The following SPTLC1 variants were observed in gnomAD, a reference collection of about 807,000 sequenced individuals.
SPTLC1 encodes serine palmitoyltransferase long chain base subunit 1, also known as serine palmitoyltransferase 1.
A neutral mutation model predicts 68.9 loss-of-function variants in SPTLC1; 55 were observed. The ratio of observed to expected loss-of-function variants is 0.80; its 90% CI spans 0.64 to 1.00. The LOEUF (loss-of-function observed/expected upper bound fraction) is 1.00. SPTLC1 is among the 50% of genes least tolerant of loss of function. The pLI, the probability that SPTLC1 is intolerant of heterozygous loss-of-function variation, is 0.00. For synonymous variants in SPTLC1, 197 were observed against 201.6 expected, an observed-to-expected ratio of 0.98 and a Z score of 0.19; for missense variants, 449 against 573.1, an observed-to-expected ratio of 0.78 and a Z score of 2.21.
At chr9:92,064,125 G>A (rs1037398882) in intron 6 of SPTLC1, among the ~76,000 whole-genome samples, 12 of 152,186 alleles carry the variant, frequency 7.9e-5, no homozygotes, top group African/African-American at 2.9e-4. Flanking sequence ...AGTTCCTAGA[G>A]CTAATTAAGT....
In SPTLC1 at chr9:92,069,531, G is replaced by T. The variant is rs186157144; in HGVS notation, c.428-1433C>A. On this transcript the variant is annotated intron_variant, in intron 5 of 14. Transcript: ENST00000262554. ...CTACGATCACATGAAATCCAAGGCC[G>T]TGATTCCCTGTATCTGACAGCCGCC... Among the ~76,000 whole-genome samples, 44 of 152,300 alleles carry T rather than the reference G, an allele frequency of 2.9e-4. No individual in the cohort carries two copies. The Middle Eastern group carries it at 0.01, about 35-fold the overall frequency.
At chr9:92,052,521 G>T (rs1564089006) in intron 8 of SPTLC1, among the ~76,000 whole-genome samples, 1 of 148,208 alleles carries the variant, frequency 6.7e-6, no homozygotes, top group Admixed American at 6.6e-5. Flanking sequence ...ATTAAACAAA[G>T]ATTATTATTA....
chr9:92,112,512 G>C lies in SPTLC1; in HGVS notation c.108C>G (p.Ile36Met). 2 of 1,610,852 alleles carry C rather than the reference G, an allele frequency of 1.2e-6. No individual in the cohort carries two copies. The highest frequency in any genetic ancestry group is 1.7e-6 in the Non-Finnish European group (2 of 1,179,608). The change falls in exon 2 of 15, where the codon ATC becomes ATG. Residue 36 changes from isoleucine to methionine, a missense_variant. Ile to Met is a conservative substitution (Grantham distance 10, BLOSUM62 1). Around this residue, in one of 3 missense-constraint regions of SPTLC1, gnomAD observed 46 missense variants for 57.8 expected, o/e 0.80. Transcript: ENST00000262554. ...ILEGILILWI[I>M]RLLFSKTYKL... ...TGTAAGTCTTAGAGAAAAGAAGTCTGATTATCCAGAGGATCAGAATCCCTT... is the reference window on the plus strand; with the variant it reads ...TGTAAGTCTTAGAGAAAAGAAGTCTCATTATCCAGAGGATCAGAATCCCTT...
chr9:92,084,826 T>C (rs1165896619), intron 3 of SPTLC1, among the ~76,000 whole-genome samples: 1 of 151,890 alleles, frequency 6.6e-6, no homozygotes, highest in Non-Finnish European at 1.5e-5. Context: ...GTACCAGTTC[T>C]TCCTTGTACC....
intron 5 of SPTLC1, among the ~76,000 whole-genome samples, chr9:92,068,653 T>A (rs1217881703): frequency 1.3e-5 from 2 of 152,206 alleles, no homozygotes; most frequent in Non-Finnish European, 1.5e-5. Context: ...AATTCAAATT[T>A]ATAGTACAAA....
At chr9:92,046,875 A>G (rs144644460) in intron 11 of SPTLC1, among the ~76,000 whole-genome samples, 51 of 152,304 alleles carry the variant, frequency 3.3e-4, no homozygotes, top group African/African-American at 1.2e-3. Context: ...ATTTACACCA[A>G]TGGAACGTTT....
chr9:92,077,731 C>T (rs965720881), intron 5 of SPTLC1, among the ~76,000 whole-genome samples: 1 of 152,208 alleles, frequency 6.6e-6, no homozygotes, highest in Admixed American at 6.5e-5. Context: ...TACCAGTTCA[C>T]GCTTTTACTC....
rs535354635 is a variant in SPTLC1, at chr9:92,114,368, T to C, written c.57+946A>G. On this transcript the variant is annotated intron_variant, in intron 1 of 14. Coordinates refer to ENST00000262554, the MANE Select transcript of SPTLC1 (RefSeq NM_006415.4). ...GTTATTAAATGAATGAACACTAAGA[T>C]TGACATTCTGGTTTCTTATTATCTT... 7.9e-5 allele frequency among the ~76,000 whole-genome samples: 12 copies of C among 152,314 alleles called. No homozygotes were observed. In the South Asian group the frequency reaches 1.2e-3, roughly 16 times the overall value.
At chr9:92,041,820 T>C (rs1833357675) in intron 12 of SPTLC1, among the ~76,000 whole-genome samples, 1 of 152,142 alleles carries the variant, frequency 6.6e-6, no homozygotes, top group Non-Finnish European at 1.5e-5. Flanking sequence ...CATCAGAAAA[T>C]ATTTCAATGT....
intron 6 of SPTLC1, among the ~76,000 whole-genome samples, chr9:92,060,774 G>A (rs1242603688): frequency 8.6e-5 from 13 of 151,266 alleles, no homozygotes; most frequent in Admixed American, 1.3e-4. Context: ...TTAGCTTGGC[G>A]TGGTGGTGGG....
chr9:92,054,392 G>A (rs899808989), intron 8 of SPTLC1, among the ~76,000 whole-genome samples: 13 of 152,200 alleles, frequency 8.5e-5, no homozygotes, highest in African/African-American at 2.9e-4. Flanking sequence ...ATTAATGGCT[G>A]TCTGGGGCCA....
At chr9:92,057,544 CCT>C (rs1333579162) in intron 7 of SPTLC1, among the ~76,000 whole-genome samples, 1 of 152,188 alleles carries the variant, frequency 6.6e-6, no homozygotes, top group Non-Finnish European at 1.5e-5. Context: ...AAACTCCTAG[CCT>C]AATCTCCTTA....
At chr9:92,101,791 C>T (rs771919562) in intron 3 of SPTLC1, among the ~76,000 whole-genome samples, 1 of 150,792 alleles carries the variant, frequency 6.6e-6, no homozygotes, top group African/African-American at 2.4e-5. Flanking sequence ...GTCTATGAGA[C>T]TTGTGCCATG....
At chr9:92,067,382 C>T (rs1456925841) in intron 6 of SPTLC1, among the ~76,000 whole-genome samples, 1 of 152,138 alleles carries the variant, frequency 6.6e-6, no homozygotes, top group East Asian at 1.9e-4. Flanking sequence ...GACGACAGGG[C>T]TTGGCTTGGG....
At chr9:92,087,025 T>C (rs1835166973) in intron 3 of SPTLC1, among the ~76,000 whole-genome samples, 1 of 152,262 alleles carries the variant, frequency 6.6e-6, no homozygotes, top group South Asian at 2.1e-4. Context: ...TTTCTTCCAG[T>C]TGATCGCATC....
chr9:92,032,504 C>A lies in SPTLC1; in HGVS notation c.1383G>T (p.Ala461=). The A allele has an allele frequency of 1.2e-6, 2 of 1,614,178 alleles. No individual in the cohort carries two copies. The highest frequency in any genetic ancestry group is 1.7e-6 in the Non-Finnish European group (2 of 1,180,030). The change falls in exon 15 of 15, where the codon GCG becomes GCT. Residue 461 remains alanine, a synonymous_variant. Transcript: ENST00000262554. ...CCTGGGCTACCTCCTTGATGGTGGA[C>A]GCAGCTCTCTCCAGTTCTTCCTCTG... is the stretch of plus-strand genomic sequence containing the variant. The part of the protein sequence containing the change: ...EQTEEELERA[A]STIKEVAQAV...
At chr9:92,073,111 A>C (rs931498326) in intron 5 of SPTLC1, among the ~76,000 whole-genome samples, 8 of 152,086 alleles carry the variant, frequency 5.3e-5, no homozygotes, top group Non-Finnish European at 1.2e-4. Flanking sequence ...CCTGCCCAGC[A>C]ATTTCCCCTT....
chr9:92,047,115 A>G, intron 11 of SPTLC1, 57 bp downstream of exon 11: 2 of 1,415,860 alleles, frequency 1.4e-6, no homozygotes, highest in South Asian at 2.3e-5. Flanking sequence ...TAAATCAGTA[A>G]CACAACTAAC....
intron 3 of SPTLC1, among the ~76,000 whole-genome samples, chr9:92,094,125 T>C (rs1317215253): frequency 2.0e-5 from 3 of 152,212 alleles, no homozygotes; most frequent in African/African-American, 7.2e-5. Context: ...CTTAACCAAG[T>C]CTTTAAGAAT....
Sources: gnomAD v4.1 joint callset for allele counts (sites outside exome capture counted in the v4.1 genomes callset) on GRCh38, gnomAD v4.1.1 for gene constraint, gnomAD v4.1.1 regional missense constraint, MANE v1.5 for transcripts, NCBI Gene and HGNC (gene_info 2026-07-23, HGNC 2026-07-21) for gene names.